The following MKI67 variants were observed in gnomAD, a reference collection of about 807,000 sequenced individuals.
MKI67 encodes the protein marker of proliferation Ki-67, also known as proliferation marker protein Ki-67.
A neutral mutation model predicts 233.5 loss-of-function variants in MKI67; 152 were observed. That is an observed-to-expected ratio of 0.65 (90% CI 0.57 to 0.74). The LOEUF is 0.74. Ranked by LOEUF, MKI67 falls within the 30% of genes least tolerant of loss-of-function variation. The pLI, the probability that MKI67 is intolerant of heterozygous loss-of-function variation, is 0.00. For missense variants in MKI67, 3,940 were observed against 3,885.2 expected (o/e 1.01, Z -0.37); for synonymous variants, 1,465 against 1,418.5 (o/e 1.03, Z -0.74).
chr10:128,117,111 G>A (rs978896471), intron 5 of MKI67, among the ~76,000 whole-genome samples: 1 of 152,178 alleles, frequency 6.6e-6, no homozygotes, highest in South Asian at 2.1e-4. Flanking sequence ...ATCAAACCTC[G>A]GTGTGTTTTT....
Position 128,105,703 on chromosome 10 carries a change from G to C in MKI67, c.6137C>G (p.Ala2046Gly). ...GKSIKAFKES[A>G]KQMLDPANYG... ...GTTTGCTGGGTCCAGCATCTGCTTT[G>C]CAGATTCCTTAAACGCTTTGATGCT... The change falls in exon 13 of 15, where the codon GCA becomes GGA. Residue 2046 changes from alanine to glycine, a missense_variant. Physicochemically the swap from Ala to Gly is moderately conservative, Grantham distance 60. Transcript: ENST00000368654. 1 of 1,614,106 alleles carries C rather than the reference G, an allele frequency of 6.2e-7. No homozygotes were observed. Among genetic ancestry groups the C allele is most frequent in the Non-Finnish European group, 8.5e-7 (1 of 1,180,032 alleles).
At position 128,102,867 on chromosome 10, in the gene MKI67, C is replaced by A. The variant is rs771245116; in HGVS notation, c.8973G>T (p.Leu2991=). The A allele has an allele frequency of 2.2e-5, 35 of 1,614,008 alleles. No homozygotes were observed. The highest frequency in any genetic ancestry group is 2.9e-5 in the Non-Finnish European group (34 of 1,180,032). ...VKSQSKSNTS[L]PPLPFKRGGG... is the part of the protein sequence containing the mutation. ...CTCCCCTCTTGAAGGGCAGTGGGGG[C>A]AGGGAAGTGTTGCTTTTGCTTTGTG... is the stretch of plus-strand genomic sequence containing the variant. Residue 2991 remains leucine, a synonymous_variant, in exon 13 of 15, where the codon CTG becomes CTT. Coordinates refer to ENST00000368654, the MANE Select transcript of MKI67 (RefSeq NM_002417.5).
Position 128,111,719 on chromosome 10 carries a change from A to C in MKI67, c.2186T>G (p.Val729Gly), listed in dbSNP as rs1852680796. The C allele has an allele frequency of 1.2e-6, 2 of 1,614,210 alleles. No individual in the cohort carries two copies. Among genetic ancestry groups the C allele is most frequent in the Non-Finnish European group, 1.7e-6 (2 of 1,180,032 alleles). Residue 729 changes from valine to glycine, a missense_variant, in exon 11 of 15, where the codon GTG (valine) becomes GGG (glycine). Val to Gly is a moderately radical substitution (Grantham distance 109). Coordinates refer to ENST00000368654, the MANE Select transcript of MKI67 (RefSeq NM_002417.5). ...IGKAHTEKVHVPARPYRVLNN... is the reference protein window; with the variant it reads ...IGKAHTEKVHGPARPYRVLNN... The stretch of plus-strand genomic sequence containing the variant: ...GAGCACTCTGTAGGGTCGAGCAGGC[A>C]CATGTACTTTTTCAGTATGAGCTTT...
intron 8 of MKI67, 148 bp downstream of exon 8, chr10:128,113,279 G>A: frequency 1.0e-6 from 1 of 965,898 alleles, no homozygotes; most frequent in South Asian, 1.7e-5. Context: ...ACATCAATGA[G>A]CTTTCATTCG....
Position 128,099,220 on chromosome 10 carries a change from G to T in MKI67, c.9741C>A (p.Thr3247=), listed in dbSNP as rs759903526. ...TATCTTCACTGTCCCTATGACTTCT[G>T]GTTCTTATTTTCTTGACACACACAT... ...EDNVCVKKIR[T]RSHRDSEDI The change falls in exon 15 of 15, where the codon ACC becomes ACA. Residue 3247 remains threonine (T), a synonymous_variant. Transcript: ENST00000368654. 3.1e-6 allele frequency: 5 copies of T among 1,612,898 alleles called. No homozygotes were observed. Among genetic ancestry groups the T allele is most frequent in the Middle Eastern group, 1.7e-4 (1 of 6,046 alleles).
chr10:128,113,458 T>G lies in MKI67; in HGVS notation c.1625A>C (p.His542Pro). Residue 542 changes from histidine to proline, a missense_variant, in exon 8 of 15, where the codon CAC becomes CCC. Physicochemically the swap from His to Pro is moderately conservative, Grantham distance 77. Transcript: ENST00000368654. ...APTKRKSLVM[H>P]TPPVLKKIIK... ...GATTTTCTTCAGGACAGGTGGAGTG[T>G]GCATTACCAGAGACTTTCTTTTGGT... The G allele has an allele frequency of 6.2e-7, 1 of 1,614,236 alleles. No individual in the cohort carries two copies. Among genetic ancestry groups the G allele is most frequent in the Non-Finnish European group, 8.5e-7 (1 of 1,180,050 alleles).
rs757581243 is a variant in MKI67, at chr10:128,115,769, G to C, written c.639C>G (p.Ser213Arg). Residue 213 changes from serine to arginine, a missense_variant, in exon 7 of 15, where the codon AGC becomes AGG. Coordinates refer to ENST00000368654, the MANE Select transcript of MKI67 (RefSeq NM_002417.5). ...GAACAGACTTCAATTCTCCATAACG[G>C]CTCACTAATTTAACGCTGGAAATTT... ...FKEISSVKLV[S>R]RYGELKSVPT... is the part of the protein sequence containing the mutation. 1 of 1,612,992 alleles carries C rather than the reference G, an allele frequency of 6.2e-7. No homozygotes were observed. Among genetic ancestry groups the C allele is most frequent in the Non-Finnish European group, 8.5e-7 (1 of 1,180,024 alleles).
rs528791051 is a variant in MKI67, at chr10:128,102,876, G to A, written c.8964C>T (p.Asn2988=). 1.4e-5 allele frequency: 22 copies of A among 1,614,158 alleles called. No individual in the cohort carries two copies. In the South Asian group the frequency reaches 2.0e-4, roughly 14 times the overall value. The part of the protein sequence containing the change: ...RDPVKSQSKS[N]TSLPPLPFKR... ...TGAAGGGCAGTGGGGGCAGGGAAGT[G>A]TTGCTTTTGCTTTGTGATTTTACAG... The change falls in exon 13 of 15, where the codon AAC becomes AAT. Residue 2988 remains asparagine, a synonymous_variant. Coordinates refer to ENST00000368654, the MANE Select transcript of MKI67 (RefSeq NM_002417.5).
chr10:128,102,470 T>C, intron 13 of MKI67, 109 bp downstream of exon 13: 3 of 1,374,564 alleles, frequency 2.2e-6, no homozygotes, highest in Non-Finnish European at 3.0e-6. Context: ...AAGGAAACCC[T>C]CTGGGGAAAG....
chr10:128,103,365 G>T lies in MKI67; in HGVS notation c.8475C>A (p.Cys2825Ter). Residue 2825 changes from cysteine (C) to a stop codon, truncating the protein, a stop_gained, in exon 13 of 15, where the codon TGC becomes TGA. Coordinates refer to ENST00000368654, the MANE Select transcript of MKI67 (RefSeq NM_002417.5). LOFTEE classifies it high-confidence loss of function. ...TGTCTTCTAGTTCTGGTGATGATTT[G>T]CAGGGTATTTTAGTGGTTTTGTCAT... ...MTDDKTTKIP[C>*]KSSPELEDTA... 1 of 1,613,994 alleles carries T rather than the reference G, an allele frequency of 6.2e-7. No homozygotes were observed. The highest frequency in any genetic ancestry group is 8.5e-7 in the Non-Finnish European group (1 of 1,180,008).
rs754001305 is a variant in MKI67 at position 128,101,680 on chromosome 10, G to T, written c.9283C>A (p.Arg3095Ser). 5 of 1,602,434 alleles carry T rather than the reference G, an allele frequency of 3.1e-6. No individual in the cohort carries two copies. In the South Asian group the frequency reaches 3.4e-5, roughly 11 times the overall value. ...TGTTCTGCCTCAGTCTTATTTTGGCGTCTGGAGCGCAGGGATATTCCCTAA... is the reference window on the plus strand; with the variant it reads ...TGTTCTGCCTCAGTCTTATTTTGGCTTCTGGAGCGCAGGGATATTCCCTAA... ...ENKGISLRSR[R>S]QNKTEAEQQI... Residue 3095 changes from arginine to serine, a missense_variant, in exon 14 of 15, where the codon CGC becomes AGC. Transcript: ENST00000368654.
chr10:128,115,908 G>T lies in MKI67; in HGVS notation c.500C>A (p.Thr167Asn), dbSNP rs1852795960. The T allele has an allele frequency of 6.8e-6, 11 of 1,610,646 alleles. No homozygotes were observed. The highest frequency in any genetic ancestry group is 1.7e-5 in the Admixed American group (1 of 60,002). Residue 167 changes from threonine (T) to asparagine (N), a missense_variant, in exon 7 of 15, where the codon ACC (threonine) becomes AAC (asparagine). Physicochemically the swap from Thr to Asn is moderately conservative, Grantham distance 65 (BLOSUM62 0). Coordinates refer to ENST00000368654, the MANE Select transcript of MKI67 (RefSeq NM_002417.5). Reference protein sequence around the residue: ...VHIKNVKEDSTADDSKDSVAQ... With the variant: ...VHIKNVKEDSNADDSKDSVAQ... ...AACACTGTCTTTTGAGTCATCTGCG[G>T]TACTGTCTTCTTTGACATTCTTGAT...
chr10:128,101,839 C>T, intron 13 of MKI67, 138 bp from the exon 14 acceptor site: 2 of 699,910 alleles, frequency 2.9e-6, no homozygotes, highest in Non-Finnish European at 4.6e-6. Context: ...GTCTAAGAGA[C>T]TTGTCATCTA....
intron 13 of MKI67, among the ~76,000 whole-genome samples, chr10:128,102,090 T>C (rs1046856832): frequency 6.6e-6 from 1 of 152,252 alleles, no homozygotes; most frequent in African/African-American, 2.4e-5. Context: ...GAAATTGCCA[T>C]TTCTGGAGTT....
At chr10:128,113,882 C>A (rs913564564) in intron 7 of MKI67, among the ~76,000 whole-genome samples, 6 of 152,092 alleles carry the variant, frequency 3.9e-5, no homozygotes, top group Admixed American at 2.6e-4. Context: ...GAGGAGTCTG[C>A]AGCAGCAGAT....
Position 128,119,336 on chromosome 10 carries a change from G to C in MKI67, c.288-17C>G. The C allele has an allele frequency of 6.4e-7, 1 of 1,561,824 alleles. No homozygotes were observed. On this transcript the variant is annotated splice_polypyrimidine_tract_variant and intron_variant, in intron 4 of 14. Transcript: ENST00000368654. ...TTTTCATACCTGCAGTTTATAGAAC[G>C]ACAAAGATCCTGATTAAAAATTTAT...
Position 128,102,596 on chromosome 10 carries a change from A to G in MKI67, c.9244T>C (p.Ser3082Pro). 6.2e-7 allele frequency: 1 copy of G among 1,613,486 alleles called. No homozygotes were observed. The highest frequency in any genetic ancestry group is 8.5e-7 in the Non-Finnish European group (1 of 1,179,508). Residue 3082 changes from serine (S) to proline (P), a missense_variant, in exon 13 of 15, where the codon TCG (serine) becomes CCG (proline). Coordinates refer to ENST00000368654, the MANE Select transcript of MKI67 (RefSeq NM_002417.5). ...CCTCTCACCTTATTTTCAGGGACCGAGTCTTGTAATTTGTGTTCCTCTTTG... is the reference window on the plus strand; with the variant it reads ...CCTCTCACCTTATTTTCAGGGACCGGGTCTTGTAATTTGTGTTCCTCTTTG... ...TNKEEHKLQD[S>P]VPENKGISLR... is the part of the protein sequence containing the mutation.
At chr10:128,114,443 C>A (rs1050706737) in intron 7 of MKI67, among the ~76,000 whole-genome samples, 1 of 152,172 alleles carries the variant, frequency 6.6e-6, no homozygotes, top group African/African-American at 2.4e-5. Context: ...CTCATGGGTA[C>A]AGTCCAGTGT....
rs182390211 is a variant in MKI67, at chr10:128,124,356, C to T, written c.93-1187G>A. On this transcript the variant is annotated intron_variant, in intron 2 of 14. Transcript: ENST00000368654. ...GCTTTGGCACTGTTGACATCTTGGG[C>T]CAGATGCTTCTGTATTGTGGGGGCT... Among the ~76,000 whole-genome samples, 16 of 152,320 alleles carry T rather than the reference C, an allele frequency of 1.1e-4. No individual in the cohort carries two copies. In the East Asian group the frequency reaches 2.5e-3, roughly 24 times the overall value.
Sources: allele counts gnomAD v4.1 joint callset (sites outside exome capture counted in the v4.1 genomes callset), GRCh38; gene constraint gnomAD v4.1.1; transcripts MANE v1.5; gene names NCBI Gene and HGNC (gene_info 2026-07-23, HGNC 2026-07-21).